The following DNER variants were observed in gnomAD, a reference collection of about 807,000 sequenced individuals.
DNER encodes the protein delta and Notch-like epidermal growth factor-related receptor.
In DNER, 33 loss-of-function variants were observed where a neutral mutation model predicts 78.2. The ratio of observed to expected loss-of-function variants is 0.42; its 90% CI spans 0.32 to 0.56. The LOEUF is 0.56. Among genes scored for constraint, DNER ranks in the 20% least tolerant of loss-of-function variants. The pLI is 0.11. For synonymous variants in DNER, 417 were observed against 384.8 expected (o/e 1.08, Z -0.98); for missense variants, 918 against 975.3 (o/e 0.94, Z 0.78).
At chr2:229,431,970 T>C (rs1179449477) in intron 8 of DNER, among the ~76,000 whole-genome samples, 2 of 152,222 alleles carry the variant, frequency 1.3e-5, no homozygotes, top group African/African-American at 4.8e-5. Context: ...TATAAACATA[T>C]GGTGTCTACA....
At chr2:229,527,925 GC>G (rs1428259233) in intron 5 of DNER, among the ~76,000 whole-genome samples, 1 of 152,178 alleles carries the variant, frequency 6.6e-6, no homozygotes, top group Non-Finnish European at 1.5e-5. Context: ...GCTGAGTAGA[GC>G]TTCAAAGCAA....
At chr2:229,655,937 C>A (rs1544674) in intron 1 of DNER, among the ~76,000 whole-genome samples, 147,011 of 152,142 alleles carry the variant, frequency 0.97, 71,236 homozygotes, top group East Asian at 1. Flanking sequence ...GCTGCCACAA[C>A]CCAAGGAATA....
chr2:229,564,721 C>G (rs994542214), intron 4 of DNER, among the ~76,000 whole-genome samples: 1 of 151,938 alleles, frequency 6.6e-6, no homozygotes, highest in Non-Finnish European at 1.5e-5. Flanking sequence ...CATCATCACC[C>G]CATCACCATC....
chr2:229,698,692 C>T (rs970992351), intron 1 of DNER, among the ~76,000 whole-genome samples: 2 of 152,134 alleles, frequency 1.3e-5, no homozygotes. Flanking sequence ...AAAATTTCCA[C>T]CCTCCCACAT....
At position 229,376,133 on chromosome 2, in the gene DNER, T is replaced by A. The variant is rs897292479; in HGVS notation, c.1856-9014A>T. Among the ~76,000 whole-genome samples, 16 of 152,228 alleles carry A rather than the reference T, an allele frequency of 1.1e-4. No individual in the cohort carries two copies. In the East Asian group the frequency reaches 3.1e-3, roughly 29 times the overall value. ...ATGTGAGTCAATTAAACCTCTTTCC[T>A]TTATAAATTACCCTGTATCAGGCAG... On this transcript the variant is annotated intron_variant, in intron 11 of 12. Coordinates refer to ENST00000341772, the MANE Select transcript of DNER (RefSeq NM_139072.4).
chr2:229,704,389 A>G (rs771988837), intron 1 of DNER, among the ~76,000 whole-genome samples: 24 of 152,266 alleles, frequency 1.6e-4, no homozygotes, highest in Non-Finnish European at 2.2e-4. Context: ...ATGTCCACTT[A>G]AAGACCTGTA....
intron 1 of DNER, among the ~76,000 whole-genome samples, chr2:229,650,264 A>C (rs1440186533): frequency 6.6e-6 from 1 of 152,010 alleles, no homozygotes; most frequent in Non-Finnish European, 1.5e-5. Context: ...ATATTCCCTC[A>C]CTAAACTATT....
At chr2:229,397,059 G>C (rs1471330277) in intron 10 of DNER, among the ~76,000 whole-genome samples, 1 of 152,080 alleles carries the variant, frequency 6.6e-6, no homozygotes, top group Non-Finnish European at 1.5e-5. Flanking sequence ...CTAAAACCTA[G>C]TAATAAAGGA....
chr2:229,418,313 G>C (rs372150129), intron 8 of DNER, 83 bp from the exon 9 acceptor site: 8 of 1,576,248 alleles, frequency 5.1e-6, no homozygotes, highest in East Asian at 4.5e-5. Flanking sequence ...AAGGCAGTTG[G>C]GGGTATTCAT....
At chr2:229,587,468 A>G (rs774085814) in intron 3 of DNER, among the ~76,000 whole-genome samples, 5 of 151,988 alleles carry the variant, frequency 3.3e-5, no homozygotes, top group Non-Finnish European at 5.9e-5. Context: ...TCTTCCAAAC[A>G]TGTTCAGGGA....
intron 1 of DNER, among the ~76,000 whole-genome samples, chr2:229,611,620 G>A (rs1248757825): frequency 1.3e-5 from 2 of 152,188 alleles, no homozygotes; most frequent in African/African-American, 4.8e-5. Flanking sequence ...GGTTGGCAAA[G>A]CATGCAACTG....
rs1039243857 is a variant in DNER, at chr2:229,428,477, C to T, written c.1487-10247G>A. On this transcript the variant is annotated intron_variant, in intron 8 of 12. Coordinates refer to ENST00000341772, the MANE Select transcript of DNER (RefSeq NM_139072.4). ...TACTGCAATTTCTTTCAAAGGAGTG[C>T]AGGAATTGACATTTATTGAGTCCCC... 2.0e-5 allele frequency among the ~76,000 whole-genome samples: 3 copies of T among 151,928 alleles called. 1 individual carries two copies. Among genetic ancestry groups the T allele is most frequent in the Middle Eastern group, 6.3e-3 (2 of 316 alleles).
At chr2:229,423,524 T>C (rs1693808705) in intron 8 of DNER, among the ~76,000 whole-genome samples, 2 of 150,062 alleles carry the variant, frequency 1.3e-5, no homozygotes, top group African/African-American at 4.9e-5. Context: ...CTGTGACACA[T>C]GAATCACTTG....
At chr2:229,386,339 T>TA (rs1183524658) in intron 11 of DNER, among the ~76,000 whole-genome samples, 4 of 152,178 alleles carry the variant, frequency 2.6e-5, no homozygotes, top group Non-Finnish European at 5.9e-5. Flanking sequence ...ATAAAAGACT[T>TA]ACACGTAAGA....
At chr2:229,666,299 T>C (rs536086813) in intron 1 of DNER, among the ~76,000 whole-genome samples, 143 of 152,138 alleles carry the variant, frequency 9.4e-4, no homozygotes, top group Non-Finnish European at 1.7e-3. Flanking sequence ...GAACAAATCA[T>C]TGGCATCTCT....
intron 1 of DNER, among the ~76,000 whole-genome samples, chr2:229,613,329 T>C (rs1698085413): frequency 6.6e-6 from 1 of 152,244 alleles, no homozygotes; most frequent in Non-Finnish European, 1.5e-5. Flanking sequence ...CATTCAAGCA[T>C]GTGGCTGCCA....
intron 12 of DNER, among the ~76,000 whole-genome samples, chr2:229,359,728 T>C (rs1305347040): frequency 6.6e-6 from 1 of 152,154 alleles, no homozygotes; most frequent in Non-Finnish European, 1.5e-5. Context: ...TCTTCTCATG[T>C]ATGGAGATGG....
At chr2:229,512,413 A>C (rs1006046028) in intron 6 of DNER, among the ~76,000 whole-genome samples, 3 of 151,668 alleles carry the variant, frequency 2.0e-5, no homozygotes, top group Non-Finnish European at 4.4e-5. Flanking sequence ...AATGGCATTC[A>C]CAGCAACCTG....
At chr2:229,539,933 C>T (rs1696479729) in intron 5 of DNER, among the ~76,000 whole-genome samples, 2 of 152,242 alleles carry the variant, frequency 1.3e-5, no homozygotes, top group Admixed American at 1.3e-4. Context: ...AACTGCTTCT[C>T]AGAGGCTATG....
Sources: allele counts gnomAD v4.1 joint callset (sites outside exome capture counted in the v4.1 genomes callset), GRCh38; gene constraint gnomAD v4.1.1; transcripts MANE v1.5; gene names NCBI Gene and HGNC (gene_info 2026-07-23, HGNC 2026-07-21).